ADAMTS16: variants seen among roughly 807,000 people sequenced by gnomAD.
The protein encoded by ADAMTS16 is A disintegrin and metalloproteinase with thrombospondin motifs 16.
A neutral mutation model predicts 145.8 loss-of-function variants in ADAMTS16; 94 were observed. That is an observed-to-expected ratio of 0.64 (90% CI 0.55 to 0.77). The LOEUF (loss-of-function observed/expected upper bound fraction) is 0.77, where lower values mean the gene tolerates loss of function less well. Ranked by LOEUF, ADAMTS16 falls within the 30% of genes least tolerant of loss-of-function variation. ADAMTS16 has a pLI of 0.00. For synonymous variants in ADAMTS16, 659 were observed against 604.3 expected, an observed-to-expected ratio of 1.09 and a Z score of -1.33; for missense variants, 1,585 against 1,591.5, an observed-to-expected ratio of 1.00 and a Z score of 0.07.
At chr5:5,206,308 C>T (rs1291034350) in intron 9 of ADAMTS16, among the ~76,000 whole-genome samples, 27 of 143,824 alleles carry the variant, frequency 1.9e-4, no homozygotes, top group South Asian at 7.0e-4. Flanking sequence ...CGCCTGTAGT[C>T]CCAGCTACTT....
Position 5,317,587 on chromosome 5 carries a change from G to A in ADAMTS16, c.3412-547G>A, listed in dbSNP as rs960436642. Among the ~76,000 whole-genome samples the A allele has an allele frequency of 3.3e-5, 5 of 151,906 alleles. No homozygotes were observed. The highest frequency in any genetic ancestry group is 2.6e-4 in the Admixed American group (4 of 15,250). Reference sequence around the variant, plus strand: ...TTTTTTTTCTTTTTTTAATAGAGACGGGGTTTCATCATGTTGCCCAGGCTG... The same window carrying A: ...TTTTTTTTCTTTTTTTAATAGAGACAGGGTTTCATCATGTTGCCCAGGCTG... On this transcript the variant is annotated intron_variant, in intron 21 of 22. Coordinates refer to ENST00000274181, the MANE Select transcript of ADAMTS16 (RefSeq NM_139056.4). This position sits in a 1 kb window ranked among gnomAD's most constrained non-coding sequence, Gnocchi z 4.5.
intron 3 of ADAMTS16, among the ~76,000 whole-genome samples, chr5:5,173,857 T>A (rs1164181341): frequency 2.0e-5 from 3 of 152,218 alleles, no homozygotes; most frequent in Admixed American, 2.0e-4. Context: ...AACTTTGTCC[T>A]CCAGCATTTT....
chr5:5,270,183 C>T (rs1738410515), intron 18 of ADAMTS16, among the ~76,000 whole-genome samples: 4 of 152,170 alleles, frequency 2.6e-5, no homozygotes, highest in Admixed American at 2.6e-4. Context: ...CACAAATAGC[C>T]AGGGCCTGAT....
At chr5:5,147,251 G>T (rs1488785398) in intron 3 of ADAMTS16, among the ~76,000 whole-genome samples, 1 of 152,220 alleles carries the variant, frequency 6.6e-6, no homozygotes, top group Non-Finnish European at 1.5e-5. Flanking sequence ...GAGGAGCGAA[G>T]TGTGACTTAG....
intron 18 of ADAMTS16, among the ~76,000 whole-genome samples, chr5:5,264,829 A>G (rs1375214208): frequency 1.3e-5 from 2 of 152,236 alleles, no homozygotes; most frequent in Non-Finnish European, 2.9e-5. Flanking sequence ...ACACTGAGGC[A>G]TGGGACACCC....
intron 18 of ADAMTS16, among the ~76,000 whole-genome samples, chr5:5,284,957 C>T (rs1739052069): frequency 6.6e-6 from 1 of 152,110 alleles, no homozygotes. Flanking sequence ...ATTCTGAGTG[C>T]TTTATGGAAC....
intron 18 of ADAMTS16, among the ~76,000 whole-genome samples, chr5:5,295,557 A>G (rs1418488124): frequency 6.6e-6 from 1 of 152,242 alleles, no homozygotes; most frequent in Non-Finnish European, 1.5e-5. Context: ...GGTGCTCAGC[A>G]TGGTGTGGGC....
Position 5,275,596 on chromosome 5 carries a change from T to A in ADAMTS16, c.2789+12813T>A, listed in dbSNP as rs1423731977. ...TTTACAATTGACTTTAAAATTCCAC[T>A]TTGTATTGTTAGATAGTTATAGTTT... On this transcript the variant is annotated intron_variant, in intron 18 of 22. Transcript: ENST00000274181. Among the ~76,000 whole-genome samples, 5 of 152,332 alleles carry A rather than the reference T, an allele frequency of 3.3e-5. No individual in the cohort carries two copies. In the East Asian group the frequency reaches 9.6e-4, roughly 29 times the overall value.
chr5:5,141,466 C>G (rs1360756137), intron 2 of ADAMTS16, among the ~76,000 whole-genome samples: 1 of 152,218 alleles, frequency 6.6e-6, no homozygotes, highest in East Asian at 1.9e-4. Flanking sequence ...ATCTCTGTGT[C>G]TTCATACTGC....
chr5:5,166,948 C>G (rs954727395), intron 3 of ADAMTS16, among the ~76,000 whole-genome samples: 1 of 152,292 alleles, frequency 6.6e-6, no homozygotes, highest in Admixed American at 6.5e-5. Context: ...GCCAGCTGCT[C>G]GCTTCATCAA....
chr5:5,305,845 C>T (rs928911627), intron 20 of ADAMTS16, among the ~76,000 whole-genome samples: 15 of 152,360 alleles, frequency 9.8e-5, no homozygotes, highest in African/African-American at 3.6e-4. Flanking sequence ...CCTCCGCGCC[C>T]AGTCTGTGGT....
intron 8 of ADAMTS16, among the ~76,000 whole-genome samples, chr5:5,193,160 TGTGCGCGC>T (rs761812570): frequency 3.7e-4 from 56 of 150,518 alleles, no homozygotes; most frequent in African/African-American, 5.5e-4. Context: ...TGTGTGTGTG[TGTGCGCGC>T]GCGCACATAT....
chr5:5,159,979 A>G (rs1734698225), intron 3 of ADAMTS16, among the ~76,000 whole-genome samples: 1 of 152,108 alleles, frequency 6.6e-6, no homozygotes, highest in Non-Finnish European at 1.5e-5. Flanking sequence ...AAGATGGGGG[A>G]GTTGTTACTA....
At chr5:5,204,717 C>T (rs372402235) in intron 9 of ADAMTS16, among the ~76,000 whole-genome samples, 7 of 152,182 alleles carry the variant, frequency 4.6e-5, no homozygotes, top group Non-Finnish European at 7.4e-5. Flanking sequence ...CAATTTTTGG[C>T]GATTACAAGG....
intron 21 of ADAMTS16, 22 bp downstream of exon 21, chr5:5,306,750 T>G: frequency 6.3e-7 from 1 of 1,575,080 alleles, no homozygotes; most frequent in Non-Finnish European, 8.6e-7. Flanking sequence ...CCTCGGTTCC[T>G]GGAGAGTGGG....
At chr5:5,263,569 G>T (rs1738114757) in intron 18 of ADAMTS16, among the ~76,000 whole-genome samples, 1 of 152,230 alleles carries the variant, frequency 6.6e-6, no homozygotes. Context: ...GAGCAAGTGA[G>T]TACAGGATCC....
rs1217559061 is a variant in ADAMTS16 at position 5,140,498 on chromosome 5, T to G, written c.31T>G (p.Leu11Val). The G allele has an allele frequency of 2.1e-5, 32 of 1,518,784 alleles. No individual in the cohort carries two copies. Among genetic ancestry groups the G allele is most frequent in the Non-Finnish European group, 2.6e-5 (30 of 1,143,586 alleles). The allele number at this position is 1,518,784 out of a possible 1,614,324, so 94.1% of individuals were successfully genotyped here. The change falls in exon 1 of 23, where the codon TTG (leucine) becomes GTG (valine). Residue 11 changes from leucine (L) to valine (V), a missense_variant. Leu to Val is a conservative substitution (Grantham distance 32). Coordinates refer to ENST00000274181, the MANE Select transcript of ADAMTS16 (RefSeq NM_139056.4). ...GCCCCGCGCGCGCGGATGGCGGGGC[T>G]TGGCGGCGCTGTGGATGCTGTTGGC... is the stretch of plus-strand genomic sequence containing the variant. MKPRARGWRG[L>V]AALWMLLAQV... is the part of the protein sequence containing the mutation.
At chr5:5,288,412 G>T (rs1362808815) in intron 18 of ADAMTS16, among the ~76,000 whole-genome samples, 1 of 152,198 alleles carries the variant, frequency 6.6e-6, no homozygotes, top group Non-Finnish European at 1.5e-5. Context: ...GGCAGGAAAA[G>T]ATATTTCAGA....
At position 5,146,173 on chromosome 5, in the gene ADAMTS16, T is replaced by C; in HGVS notation, c.219T>C (p.Asp73=). ...CCTACGAGGTTGACCACAGGGGCGA[T>C]TACGTGTCCCATGAAATCATGCACC... ...VSAYEVDHRG[D]YVSHEIMHHQ... is the part of the protein sequence containing the mutation. The change falls in exon 3 of 23, where the codon GAT becomes GAC. Residue 73 remains aspartate (D), a synonymous_variant. Coordinates refer to ENST00000274181, the MANE Select transcript of ADAMTS16 (RefSeq NM_139056.4). The C allele has an allele frequency of 6.2e-7, 1 of 1,614,182 alleles. No homozygotes were observed.
Sources: gnomAD v4.1 joint callset for allele counts (sites outside exome capture counted in the v4.1 genomes callset) on GRCh38, gnomAD v4.1.1 for gene constraint, Gnocchi (gnomAD v3.1) non-coding constraint, MANE v1.5 for transcripts, NCBI Gene and HGNC (gene_info 2026-07-23, HGNC 2026-07-21) for gene names.